Variants in PAPPA observed in about 807,000 individuals in gnomAD.
The protein encoded by PAPPA is pappalysin 1.
Under a neutral mutation model 164.0 loss-of-function variants are expected in PAPPA, and 60 were observed. That is an observed-to-expected ratio of 0.37 (90% CI 0.30 to 0.45). The LOEUF (loss-of-function observed/expected upper bound fraction) is 0.45. Among genes scored for constraint, PAPPA ranks in the 20% least tolerant of loss-of-function variants. The pLI, the probability that PAPPA is intolerant of heterozygous loss-of-function variation, is 1.00. For synonymous variants in PAPPA, 875 were observed against 814.1 expected, an observed-to-expected ratio of 1.07 and a Z score of -1.27; for missense variants, 1,782 against 2,087.3, an observed-to-expected ratio of 0.85 and a Z score of 2.85.
chr9:116,188,004 G>C lies in PAPPA; in HGVS notation c.1266G>C (p.Glu422Asp), dbSNP rs886670198. ...ANCDISKIGD[E>D]NCDPECNHTL... ...GTGACATCAGCAAGATTGGGGATGA[G>C]AACTGTGACCCCGAGTGCAACCACA... The change falls in exon 2 of 22, where the codon GAG (glutamate) becomes GAC (aspartate). Residue 422 changes from glutamate (E) to aspartate (D), a missense_variant. Physicochemically the swap from Glu to Asp is conservative, Grantham distance 45. Transcript: ENST00000328252. 1 of 1,614,088 alleles carries C rather than the reference G, an allele frequency of 6.2e-7. No homozygotes were observed. Among genetic ancestry groups the C allele is most frequent in the Non-Finnish European group, 8.5e-7 (1 of 1,180,056 alleles).
chr9:116,184,512 C>T (rs1360848311), intron 1 of PAPPA, among the ~76,000 whole-genome samples: 5 of 152,104 alleles, frequency 3.3e-5, no homozygotes, highest in Admixed American at 3.3e-4. Context: ...ACCCCTGAAC[C>T]CTCCAGCATC....
chr9:116,291,214 CTT>C (rs1845431651), intron 9 of PAPPA, among the ~76,000 whole-genome samples: 1 of 152,104 alleles, frequency 6.6e-6, no homozygotes. Context: ...TGTCAAATCT[CTT>C]TATTAAATTT....
Position 116,187,490 on chromosome 9 carries a change from G to T in PAPPA, c.752G>T (p.Gly251Val). 3 of 1,614,174 alleles carry T rather than the reference G, an allele frequency of 1.9e-6. No individual in the cohort carries two copies. The highest frequency in any genetic ancestry group is 2.5e-6 in the Non-Finnish European group (3 of 1,180,034). Reference protein sequence around the residue: ...GGSALNHNYRGYIEHFSLWKV... With the variant: ...GGSALNHNYRVYIEHFSLWKV... ...AGTGCCCTGAATCACAACTACCGGG[G>T]CTACATCGAGCACTTCAGTCTGTGG... is the stretch of plus-strand genomic sequence containing the variant. Residue 251 changes from glycine (G) to valine (V), a missense_variant, in exon 2 of 22, where the codon GGC becomes GTC. Gly to Val is a moderately radical substitution (Grantham distance 109, BLOSUM62 -3). This residue lies in a region of PAPPA where 458 missense variants were observed against 430.3 expected (regional missense o/e 1.06). Transcript: ENST00000328252. This position sits in a 1 kb window ranked among gnomAD's most constrained non-coding sequence, Gnocchi z 4.2.
chr9:116,391,011 G>T (rs1456076111), intron 21 of PAPPA, among the ~76,000 whole-genome samples: 1 of 152,126 alleles, frequency 6.6e-6, no homozygotes, highest in Non-Finnish European at 1.5e-5. Context: ...TACAGATAGA[G>T]AAACTGAAGC....
chr9:116,283,491 C>A (rs1845291832), intron 9 of PAPPA, among the ~76,000 whole-genome samples: 1 of 152,092 alleles, frequency 6.6e-6, no homozygotes, highest in African/African-American at 2.4e-5. Flanking sequence ...CAGTTCTCAT[C>A]CCATAGCAAG....
At chr9:116,239,719 T>G (rs2118755365) in intron 7 of PAPPA, among the ~76,000 whole-genome samples, 1 of 152,230 alleles carries the variant, frequency 6.6e-6, no homozygotes, top group Middle Eastern at 3.4e-3. Context: ...GGCCTCAAAC[T>G]TAAGTCTAAT....
intron 10 of PAPPA, among the ~76,000 whole-genome samples, chr9:116,303,944 C>A (rs1014340870): frequency 6.6e-6 from 1 of 152,150 alleles, no homozygotes; most frequent in African/African-American, 2.4e-5. Context: ...ATCACTAAAG[C>A]CTTTATTCAT....
intron 21 of PAPPA, among the ~76,000 whole-genome samples, chr9:116,388,837 GGGCT>G (rs1846851792): frequency 6.6e-6 from 1 of 152,174 alleles, no homozygotes; most frequent in South Asian, 2.1e-4. Flanking sequence ...ACTATGTGTA[GGGCT>G]GGCTGCAATA....
intron 4 of PAPPA, among the ~76,000 whole-genome samples, chr9:116,213,823 A>G (rs540118470): frequency 2.0e-5 from 3 of 152,296 alleles, no homozygotes; most frequent in African/African-American, 7.2e-5. Context: ...GGCAACCACG[A>G]TCTTTGAAAT....
At chr9:116,297,679 T>C (rs756600350) in intron 9 of PAPPA, among the ~76,000 whole-genome samples, 3 of 152,244 alleles carry the variant, frequency 2.0e-5, no homozygotes, top group Non-Finnish European at 4.4e-5. Flanking sequence ...TTGGCATTTA[T>C]ATTGAAAATA....
At chr9:116,333,694 A>G (rs1846022495) in intron 12 of PAPPA, among the ~76,000 whole-genome samples, 1 of 152,238 alleles carries the variant, frequency 6.6e-6, no homozygotes, top group Admixed American at 6.5e-5. Context: ...ACTTAGCAGG[A>G]TTCCTGGGAA....
chr9:116,338,974 C>A (rs1305071790), intron 13 of PAPPA, among the ~76,000 whole-genome samples: 1 of 152,114 alleles, frequency 6.6e-6, no homozygotes, highest in Non-Finnish European at 1.5e-5. Flanking sequence ...GGTTCTGTGC[C>A]CTCATTTGAG....
Position 116,334,958 on chromosome 9 carries a change from C to T in PAPPA, c.3495C>T (p.Ser1165=), listed in dbSNP as rs149438687. ...ACCACAGCCAGGCGGTACGTGTGAGCTTCAGTTCGCCCCTGGTCGCCATCT... is the reference window on the plus strand; with the variant it reads ...ACCACAGCCAGGCGGTACGTGTGAGTTTCAGTTCGCCCCTGGTCGCCATCT... ...PFYHSQAVRV[S]FSSPLVAISG... Residue 1165 remains serine (S), a synonymous_variant, in exon 13 of 22, where the codon AGC becomes AGT. Coordinates refer to ENST00000328252, the MANE Select transcript of PAPPA (RefSeq NM_002581.5). The T allele has an allele frequency of 1.7e-5, 28 of 1,613,732 alleles. 2 individuals carry two copies. Among genetic ancestry groups the T allele is most frequent in the South Asian group, 1.2e-4 (11 of 91,042 alleles).
At chr9:116,303,449 T>G (rs958235220) in intron 10 of PAPPA, among the ~76,000 whole-genome samples, 1 of 152,206 alleles carries the variant, frequency 6.6e-6, no homozygotes, top group Admixed American at 6.5e-5. Flanking sequence ...TAAGAAGCTG[T>G]GACTCATGCC....
At chr9:116,171,185 G>A (rs1046015259) in intron 1 of PAPPA, among the ~76,000 whole-genome samples, 4 of 152,164 alleles carry the variant, frequency 2.6e-5, no homozygotes, top group Non-Finnish European at 5.9e-5. Flanking sequence ...TGAGACCAGA[G>A]AAGGGAGCTG....
intron 8 of PAPPA, among the ~76,000 whole-genome samples, chr9:116,267,697 C>A (rs1233471423): frequency 1.3e-5 from 2 of 151,596 alleles, no homozygotes; most frequent in Admixed American, 6.6e-5. Flanking sequence ...CAAGGTGAAA[C>A]CCCGTCTCTA....
chr9:116,205,683 T>G (rs1453586519), intron 2 of PAPPA, among the ~76,000 whole-genome samples: 1 of 152,166 alleles, frequency 6.6e-6, no homozygotes, highest in Non-Finnish European at 1.5e-5. Flanking sequence ...TGGCGATAAG[T>G]GATAAGAATA....
At position 116,154,599 on chromosome 9, in the gene PAPPA, C is replaced by G. The variant is rs756397991; in HGVS notation, c.415+12C>G. The G allele has an allele frequency of 1.7e-4, 227 of 1,338,424 alleles. No individual in the cohort carries two copies. The highest frequency in any genetic ancestry group is 1.8e-4 in the Admixed American group (5 of 27,462). 82.9% of individuals were successfully genotyped at this position (1,338,424 alleles called of 1,614,324 possible). On this transcript the variant is annotated intron_variant, in intron 1 of 21. Coordinates refer to ENST00000328252, the MANE Select transcript of PAPPA (RefSeq NM_002581.5). This position sits in a 1 kb window ranked among gnomAD's most constrained non-coding sequence, Gnocchi z 5.2. ...GGCAGTGATCACAGGTAGGTGAGGGCGCCTCGGCGGGCGCTGCACCGTCCC... is the reference window on the plus strand; with the variant it reads ...GGCAGTGATCACAGGTAGGTGAGGGGGCCTCGGCGGGCGCTGCACCGTCCC...
chr9:116,267,719 C>T (rs535341731), intron 8 of PAPPA, among the ~76,000 whole-genome samples: 1,656 of 151,308 alleles, frequency 0.011, 20 homozygotes, highest in Middle Eastern at 0.051. Context: ...TAAAAAAATA[C>T]AAAAAATTAG....
Sources: allele counts gnomAD v4.1 joint callset (sites outside exome capture counted in the v4.1 genomes callset), GRCh38; gene constraint gnomAD v4.1.1; regional missense constraint gnomAD v4.1.1; non-coding constraint Gnocchi (gnomAD v3.1); transcripts MANE v1.5; gene names NCBI Gene and HGNC (gene_info 2026-07-23, HGNC 2026-07-21).